Variants in MAP3K4 observed in about 807,000 individuals in gnomAD.
MAP3K4 encodes mitogen-activated protein kinase kinase kinase 4, also known as MAP three kinase 1.
A neutral mutation model predicts 185.6 loss-of-function variants in MAP3K4; 67 were observed. The ratio of observed to expected loss-of-function variants is 0.36; its 90% CI spans 0.30 to 0.44. The LOEUF is 0.44. Ranked by LOEUF, MAP3K4 falls within the 20% of genes least tolerant of loss-of-function variation. MAP3K4 has a pLI of 1.00. For missense variants in MAP3K4, 1,551 were observed against 1,995.1 expected, an observed-to-expected ratio of 0.78 and a Z score of 4.24; for synonymous variants, 702 against 710.4, an observed-to-expected ratio of 0.99 and a Z score of 0.19.
rs756041632 is a variant in MAP3K4, at chr6:161,049,035, T to G, written c.763T>G (p.Phe255Val). 1 of 1,614,106 alleles carries G rather than the reference T, an allele frequency of 6.2e-7. No homozygotes were observed. The highest frequency in any genetic ancestry group is 1.7e-5 in the Admixed American group (1 of 60,006). The change falls in exon 3 of 27, where the codon TTC becomes GTC. Residue 255 changes from phenylalanine to valine, a missense_variant. By Grantham distance (50) the Phe-to-Val change is conservative (BLOSUM62 -1). Transcript: ENST00000392142. The surrounding 1 kb of genome is among the most constrained non-coding windows in gnomAD (Gnocchi z 8.4). ...AAGAGGACAAGAAAATACGTCTGGTTTCTGGCTTAACCGATCTAACGAACT... is the reference window on the plus strand; with the variant it reads ...AAGAGGACAAGAAAATACGTCTGGTGTCTGGCTTAACCGATCTAACGAACT... Reference protein sequence around the residue: ...EQRGQENTSGFWLNRSNELIW... With the variant: ...EQRGQENTSGVWLNRSNELIW...
intron 7 of MAP3K4, among the ~76,000 whole-genome samples, chr6:161,085,040 A>G (rs1785636718): frequency 6.6e-6 from 1 of 152,082 alleles, no homozygotes; most frequent in African/African-American, 2.4e-5. Flanking sequence ...CCAGCTATTC[A>G]GGAGGCTGAG....
chr6:161,101,851 C>G lies in MAP3K4; in HGVS notation c.3675-41C>G, dbSNP rs745885470. The G allele has an allele frequency of 6.0e-6, 9 of 1,501,028 alleles. No homozygotes were observed. In the South Asian group the frequency reaches 1.0e-4, roughly 17 times the overall value. The allele number at this position is 1,501,028 out of a possible 1,614,324, so 93.0% of individuals were successfully genotyped here. A position where few individuals can be genotyped will look rare whatever the true frequency, so the allele number is the denominator to read the frequency against. The stretch of plus-strand genomic sequence containing the variant: ...TCTCGCAGATCTTTCATTTTAAGTT[C>G]TATTGAATTGATAGCTCAATTATTA... On this transcript the variant is annotated intron_variant, in intron 17 of 26. Transcript: ENST00000392142. This position sits in a 1 kb window ranked among gnomAD's most constrained non-coding sequence, Gnocchi z 5.1.
Position 161,109,123 on chromosome 6 carries a change from G to T in MAP3K4, c.4236+264G>T, listed in dbSNP as rs1778233646. 5 of 944,570 alleles carry T rather than the reference G, an allele frequency of 5.3e-6. No individual in the cohort carries two copies. The highest frequency in any genetic ancestry group is 6.4e-6 in the Non-Finnish European group (4 of 625,554). 58.5% of individuals were successfully genotyped at this position (944,570 alleles called of 1,614,324 possible). ...GCCATTCAGAAGATTCTTCTAAAAC[G>T]CCCCTTACACCACTTCTTGTGACTT... On this transcript the variant is annotated intron_variant, in intron 22 of 26. Coordinates refer to ENST00000392142, the MANE Select transcript of MAP3K4 (RefSeq NM_005922.4). This position sits in a 1 kb window ranked among gnomAD's most constrained non-coding sequence, Gnocchi z 5.7.
chr6:161,049,665 C>G lies in MAP3K4; in HGVS notation c.1393C>G (p.Gln465Glu), dbSNP rs1034692371. The G allele has an allele frequency of 1.9e-6, 3 of 1,614,082 alleles. No individual in the cohort carries two copies. Among genetic ancestry groups the G allele is most frequent in the Non-Finnish European group, 2.5e-6 (3 of 1,180,008 alleles). The change falls in exon 3 of 27, where the codon CAA becomes GAA. Residue 465 changes from glutamine to glutamate, a missense_variant. Physicochemically the swap from Gln to Glu is conservative, Grantham distance 29 (BLOSUM62 2). Around this residue, in one of 16 missense-constraint regions of MAP3K4, gnomAD observed 126 missense variants for 112.8 expected, o/e 1.12. Transcript: ENST00000392142. The surrounding 1 kb of genome is among the most constrained non-coding windows in gnomAD (Gnocchi z 8.4). ...ESSTDESEEE[Q>E]ISDPRVPEIR... ...TAGTACGGATGAGAGTGAAGAAGAA[C>G]AAATCTCTGATCCTAGGGTACCGGA...
intron 2 of MAP3K4, among the ~76,000 whole-genome samples, chr6:161,045,234 A>G (rs1346288744): frequency 3.3e-5 from 5 of 151,352 alleles, no homozygotes; most frequent in Non-Finnish European, 7.4e-5. Flanking sequence ...GGTGGGGGGG[A>G]ACAAAAAGCT....
chr6:161,095,268 T>G (rs1434588767), intron 15 of MAP3K4, among the ~76,000 whole-genome samples: 1 of 152,184 alleles, frequency 6.6e-6, no homozygotes, highest in African/African-American at 2.4e-5. Context: ...TTAACATCAT[T>G]GAGCCTCTCT....
rs192685387 is a variant in MAP3K4, at chr6:161,073,734, A to G, written c.2097+122A>G. ...ACATATTCAGATAAACTTCTCTAGT[A>G]ATGAATTATAGAAATGATCCCTGAA... On this transcript the variant is annotated intron_variant, in intron 5 of 26. Transcript: ENST00000392142. The surrounding 1 kb of genome is among the most constrained non-coding windows in gnomAD (Gnocchi z 4.2). 1 of 995,954 alleles carries G rather than the reference A, an allele frequency of 1.0e-6. No homozygotes were observed. 61.7% of individuals were successfully genotyped at this position (995,954 alleles called of 1,614,324 possible).
intron 1 of MAP3K4, among the ~76,000 whole-genome samples, chr6:161,006,030 C>A (rs34887229): frequency 0.01 from 1,599 of 152,342 alleles, 17 homozygotes; most frequent in Non-Finnish European, 0.016. Context: ...TCATGATCCC[C>A]CCACCTTGGC....
In MAP3K4 at chr6:161,115,211, C is replaced by CT. The variant is rs1407510683; in HGVS notation, c.4716dup (p.Glu1573Ter). ...CCACCAATCCCTGAAAGATTAAGCC[C>CT]TGAAGGAAAGGACTTCCTTTCTCAC... is the stretch of plus-strand genomic sequence containing the variant. On this transcript the variant is annotated frameshift_variant, in exon 26 of 27. Coordinates refer to ENST00000392142, the MANE Select transcript of MAP3K4 (RefSeq NM_005922.4). LOFTEE classifies it high-confidence loss of function. The surrounding 1 kb of genome is among the most constrained non-coding windows in gnomAD (Gnocchi z 6.0). 2 of 1,614,010 alleles carry CT rather than the reference C, an allele frequency of 1.2e-6. No homozygotes were observed. The highest frequency in any genetic ancestry group is 1.7e-6 in the Non-Finnish European group (2 of 1,180,014).
In MAP3K4 at chr6:161,112,521, A is replaced by G. The variant is rs957375121; in HGVS notation, c.4520-147A>G. ...CCTAAAAAGTTTGTTCAACAAGTTGACTTGAACTGTCTGTAAATTTTTGAT... is the reference window on the plus strand; with the variant it reads ...CCTAAAAAGTTTGTTCAACAAGTTGGCTTGAACTGTCTGTAAATTTTTGAT... On this transcript the variant is annotated intron_variant, in intron 24 of 26. Transcript: ENST00000392142. This position sits in a 1 kb window ranked among gnomAD's most constrained non-coding sequence, Gnocchi z 5.1. 5 of 476,648 alleles carry G rather than the reference A, an allele frequency of 1.0e-5. No individual in the cohort carries two copies. Among genetic ancestry groups the G allele is most frequent in the Non-Finnish European group, 1.7e-5 (5 of 286,260 alleles). The allele number at this position is 476,648 out of a possible 1,614,324, so 29.5% of individuals were successfully genotyped here.
In MAP3K4 at chr6:161,106,120, G is replaced by C. The variant is rs75252057; in HGVS notation, c.3857-394G>C. On this transcript the variant is annotated intron_variant, in intron 19 of 26. Transcript: ENST00000392142. The surrounding 1 kb of genome is among the most constrained non-coding windows in gnomAD (Gnocchi z 4.9). ...CAAAGTGCTGGGATTACAAGAATGA[G>C]TCACTGCTCCAGGCCTCGTGAATTA... Among the ~76,000 whole-genome samples, 1 of 152,234 alleles carries C rather than the reference G, an allele frequency of 6.6e-6. No homozygotes were observed. Among genetic ancestry groups the C allele is most frequent in the Non-Finnish European group, 1.5e-5 (1 of 68,020 alleles).
At position 161,048,595 on chromosome 6, in the gene MAP3K4, G is replaced by GT; in HGVS notation, c.344-18dup. 2.8e-6 allele frequency: 4 copies of GT among 1,437,398 alleles called. No homozygotes were observed. Among genetic ancestry groups the GT allele is most frequent in the South Asian group, 2.6e-5 (2 of 75,646 alleles). The allele number at this position is 1,437,398 out of a possible 1,614,324, so 89.0% of individuals were successfully genotyped here. A position where few individuals can be genotyped will look rare whatever the true frequency, so the allele number is the denominator to read the frequency against. ...ATATTTTAGAGTTATATAATGTTCTGTTTATTTTTTTTTTTAATAGAAAAA... is the reference window on the plus strand; with the variant it reads ...ATATTTTAGAGTTATATAATGTTCTGTTTTATTTTTTTTTTTAATAGAAAAA... On this transcript the variant is annotated intron_variant, in intron 2 of 26. Coordinates refer to ENST00000392142, the MANE Select transcript of MAP3K4 (RefSeq NM_005922.4). This position sits in a 1 kb window ranked among gnomAD's most constrained non-coding sequence, Gnocchi z 4.7.
chr6:161,036,685 A>G (rs1246341558), intron 2 of MAP3K4, among the ~76,000 whole-genome samples: 1 of 152,170 alleles, frequency 6.6e-6, no homozygotes, highest in African/African-American at 2.4e-5. Flanking sequence ...ACTATCGGTT[A>G]ATCACTGTGC....
chr6:161,092,405 T>C (rs911917201), intron 13 of MAP3K4, among the ~76,000 whole-genome samples: 3 of 152,230 alleles, frequency 2.0e-5, no homozygotes, highest in Non-Finnish European at 4.4e-5. Context: ...TCCTGATGAC[T>C]AATGTATTTT....
rs146109491 is a variant in MAP3K4 at position 161,000,706 on chromosome 6, G to A, written c.152+8623G>A. ...CCCTGATATATATACACACATATAT[G>A]TGTACACCATATATACACACACATA... On this transcript the variant is annotated intron_variant, in intron 1 of 26. Transcript: ENST00000392142. Among the ~76,000 whole-genome samples the A allele has an allele frequency of 3.2e-4, 48 of 151,818 alleles. No individual in the cohort carries two copies. The East Asian group carries it at 8.1e-3, about 26-fold the overall frequency.
chr6:161,016,064 A>G (rs1782091299), intron 1 of MAP3K4, among the ~76,000 whole-genome samples: 2 of 152,154 alleles, frequency 1.3e-5, no homozygotes, highest in African/African-American at 4.8e-5. Flanking sequence ...TGACGTTTTA[A>G]TTATAACCAT....
rs967543892 is a variant in MAP3K4 at position 161,049,731 on chromosome 6, C to T, written c.1459C>T (p.Arg487Trp). 5 of 1,614,118 alleles carry T rather than the reference C, an allele frequency of 3.1e-6. No individual in the cohort carries two copies. In the South Asian group the frequency reaches 3.3e-5, roughly 11 times the overall value. The change falls in exon 3 of 27, where the codon CGG becomes TGG. Residue 487 changes from arginine to tryptophan, a missense_variant. By Grantham distance (101) the Arg-to-Trp change is moderately radical (BLOSUM62 -3). This residue lies in a region of MAP3K4 where 126 missense variants were observed against 112.8 expected (regional missense o/e 1.12). Transcript: ENST00000392142. This position sits in a 1 kb window ranked among gnomAD's most constrained non-coding sequence, Gnocchi z 8.4. ...AGATAACAGCTTCGACATCCAGTCG[C>T]GGGACTGCATATCCAAGAAGCTTGA... ...PIDNSFDIQS[R>W]DCISKKLERL...
intron 1 of MAP3K4, among the ~76,000 whole-genome samples, chr6:161,023,619 C>T (rs983866804): frequency 6.6e-6 from 1 of 152,172 alleles, no homozygotes; most frequent in African/African-American, 2.4e-5. Context: ...TATTTCCAAG[C>T]CCTGTTTCAG....
intron 2 of MAP3K4, among the ~76,000 whole-genome samples, chr6:161,045,810 G>A (rs1417004645): frequency 1.3e-5 from 2 of 152,014 alleles, no homozygotes; most frequent in Admixed American, 6.5e-5. Context: ...AAAGCCCAAC[G>A]CCTGAGCCAA....
Sources: gnomAD v4.1 joint callset for allele counts (sites outside exome capture counted in the v4.1 genomes callset) on GRCh38, gnomAD v4.1.1 for gene constraint, gnomAD v4.1.1 regional missense constraint, Gnocchi (gnomAD v3.1) non-coding constraint, MANE v1.5 for transcripts, NCBI Gene and HGNC (gene_info 2026-07-23, HGNC 2026-07-21) for gene names.